The following SAMMSON variants were observed in gnomAD, a reference collection of about 807,000 sequenced individuals.
SAMMSON encodes the protein survival associated mitochondrial melanoma specific oncogenic non-coding RNA.
chr3:70,334,040 A>G (rs1167453803), intron 7 of SAMMSON, among the ~76,000 whole-genome samples: 1 of 152,230 alleles, frequency 6.6e-6, no homozygotes, highest in East Asian at 1.9e-4. Flanking sequence ...ATTTTGACAT[A>G]TGGAAGGTTG....
chr3:70,086,821 C>T (rs1279480996), intron 4 of SAMMSON, among the ~76,000 whole-genome samples: 1 of 152,180 alleles, frequency 6.6e-6, no homozygotes, highest in East Asian at 1.9e-4. Flanking sequence ...TTTTCCCTTG[C>T]AATGTAGTGT....
intron 7 of SAMMSON, among the ~76,000 whole-genome samples, chr3:70,320,256 C>T (rs908305386): frequency 6.6e-6 from 1 of 152,032 alleles, no homozygotes; most frequent in Non-Finnish European, 1.5e-5. Flanking sequence ...GGGATCATTG[C>T]AAAGGCTAGC....
intron 7 of SAMMSON, among the ~76,000 whole-genome samples, chr3:70,323,484 A>T (rs1311015317): frequency 6.6e-6 from 1 of 152,144 alleles, no homozygotes; most frequent in Admixed American, 6.5e-5. Flanking sequence ...TGCCTGATCC[A>T]TGTTGTAAGC....
chr3:70,053,662 A>G (rs889502150), intron 3 of SAMMSON, among the ~76,000 whole-genome samples: 2 of 152,134 alleles, frequency 1.3e-5, no homozygotes, highest in Admixed American at 1.3e-4. Context: ...AGGAATTTTA[A>G]TGGAATTAGT....
At chr3:70,132,704 G>A (rs2067487249) in intron 4 of SAMMSON, among the ~76,000 whole-genome samples, 1 of 150,860 alleles carries the variant, frequency 6.6e-6, no homozygotes, top group African/African-American at 2.4e-5. Flanking sequence ...CACTTTCGGA[G>A]GCCAAGGCAG....
chr3:70,353,238 A>G (rs1352116236), intron 7 of SAMMSON, among the ~76,000 whole-genome samples: 2 of 152,044 alleles, frequency 1.3e-5, no homozygotes, highest in African/African-American at 4.8e-5. Flanking sequence ...GTAAAATAAT[A>G]AAACTTTTCT....
intron 7 of SAMMSON, among the ~76,000 whole-genome samples, chr3:70,300,158 T>C (rs968801937): frequency 2.6e-5 from 4 of 152,146 alleles, no homozygotes; most frequent in African/African-American, 9.7e-5. Flanking sequence ...CTTCCATTTA[T>C]TCATGTCATT....
rs551353882 is a variant in SAMMSON at position 70,193,109 on chromosome 3, A to G, written n.508-55998A>G. On this transcript the variant is annotated intron_variant and non_coding_transcript_variant, in intron 4 of 9. Transcript: ENST00000642114. ...CTGCTTTAGAGGCAGTGGCAAAAGC[A>G]GAGCTGTGAAGCATATCAAGATGGT... 1.3e-5 allele frequency among the ~76,000 whole-genome samples: 2 copies of G among 152,296 alleles called. 1 individual carries two copies. The highest frequency in any genetic ancestry group is 4.1e-4 in the South Asian group (2 of 4,828).
intron 4 of SAMMSON, among the ~76,000 whole-genome samples, chr3:70,107,941 C>A (rs1352040288): frequency 1.3e-5 from 2 of 152,046 alleles, no homozygotes; most frequent in African/African-American, 4.8e-5. Flanking sequence ...CAGTTTCATT[C>A]AATCACAGTT....
intron 6 of SAMMSON, among the ~76,000 whole-genome samples, chr3:70,267,029 CATGAAA>C (rs1701922516): frequency 1.3e-5 from 2 of 152,146 alleles, no homozygotes; most frequent in Non-Finnish European, 2.9e-5. Context: ...GCTAAACTCT[CATGAAA>C]TAGCTTCCTT....
At chr3:70,311,055 T>C (rs1267516890) in intron 7 of SAMMSON, among the ~76,000 whole-genome samples, 1 of 152,208 alleles carries the variant, frequency 6.6e-6, no homozygotes, top group African/African-American at 2.4e-5. Flanking sequence ...AATGTTGATG[T>C]TATTGTTATC....
At chr3:70,081,762 T>C (rs562735277) in intron 4 of SAMMSON, among the ~76,000 whole-genome samples, 98 of 152,356 alleles carry the variant, frequency 6.4e-4, no homozygotes, top group African/African-American at 2.2e-3. Context: ...GTTGCACTTT[T>C]CTACAAAGTA....
intron 7 of SAMMSON, among the ~76,000 whole-genome samples, chr3:70,299,632 A>G (rs921378670): frequency 6.6e-6 from 1 of 152,114 alleles, no homozygotes; most frequent in Admixed American, 6.6e-5. Context: ...CTGAAAACCA[A>G]TATCTCAAAT....
At chr3:70,137,093 C>A (rs74395553) in intron 4 of SAMMSON, among the ~76,000 whole-genome samples, 3,204 of 152,182 alleles carry the variant, frequency 0.021, 104 homozygotes, top group African/African-American at 0.073. Context: ...ATCTTACGTC[C>A]AATGGTAACA....
chr3:70,009,889 G>C (rs1016329319), intron 1 of SAMMSON, among the ~76,000 whole-genome samples: 1 of 149,126 alleles, frequency 6.7e-6, no homozygotes, highest in Non-Finnish European at 1.5e-5. Flanking sequence ...CCTTCATTTC[G>C]TTATGGACTC....
intron 4 of SAMMSON, among the ~76,000 whole-genome samples, chr3:70,118,506 T>A (rs2067420725): frequency 6.6e-6 from 1 of 152,144 alleles, no homozygotes; most frequent in Non-Finnish European, 1.5e-5. Context: ...GGATTTCAGG[T>A]CAAATAATTC....
At chr3:70,042,545 A>G (rs1183234241) in intron 3 of SAMMSON, among the ~76,000 whole-genome samples, 2 of 152,092 alleles carry the variant, frequency 1.3e-5, no homozygotes, top group African/African-American at 2.4e-5. Flanking sequence ...TAGAGATTCT[A>G]CAGATGACAA....
At chr3:70,116,494 T>C (rs2067412227) in intron 4 of SAMMSON, among the ~76,000 whole-genome samples, 1 of 152,014 alleles carries the variant, frequency 6.6e-6, no homozygotes, top group Non-Finnish European at 1.5e-5. Flanking sequence ...CCTACCAATT[T>C]TCTAATGAAA....
intron 4 of SAMMSON, among the ~76,000 whole-genome samples, chr3:70,215,202 T>C (rs1304908139): frequency 6.6e-6 from 1 of 152,114 alleles, no homozygotes; most frequent in Admixed American, 6.6e-5. Flanking sequence ...CATTATTACA[T>C]GAATGAGGAA....
Sources: gnomAD v4.1 joint callset for allele counts (sites outside exome capture counted in the v4.1 genomes callset) on GRCh38, gnomAD v4.1.1 for gene constraint, MANE v1.5 for transcripts, NCBI Gene and HGNC (gene_info 2026-07-23, HGNC 2026-07-21) for gene names.